HPSE2: variants seen among roughly 807,000 people sequenced by gnomAD.
HPSE2 encodes the protein heparanase 2 (inactive), also known as inactive heparanase-2.
HPSE2 carries 38 observed loss-of-function variants against 60.5 expected under a neutral mutation model. That is an observed-to-expected ratio of 0.63 (90% CI 0.48 to 0.82). The LOEUF is 0.82. Ranked by LOEUF, HPSE2 falls within the 40% of genes least tolerant of loss-of-function variation. The probability of loss-of-function intolerance (pLI) is 0.00; values close to 1 mark genes in which losing one functional copy is unlikely to be tolerated. For missense variants in HPSE2, 713 were observed against 740.4 expected (o/e 0.96, Z 0.43); for synonymous variants, 295 against 293.2 (o/e 1.01, Z -0.06).
chr10:99,080,090 A>C (rs1178574025), intron 3 of HPSE2, among the ~76,000 whole-genome samples: 1 of 152,210 alleles, frequency 6.6e-6, no homozygotes, highest in African/African-American at 2.4e-5. Flanking sequence ...CCTCTCAATT[A>C]GTTTTTGGAT....
chr10:98,629,699 C>T (rs1482605536), intron 7 of HPSE2, among the ~76,000 whole-genome samples: 8 of 152,192 alleles, frequency 5.3e-5, no homozygotes, highest in African/African-American at 1.9e-4. Flanking sequence ...CCCTCTTCAG[C>T]TTAAGAACCT....
chr10:99,301,790 C>T, the HPSE2 span, among the ~76,000 whole-genome samples: 1 of 152,004 alleles, frequency 6.6e-6, no homozygotes, highest in African/African-American at 2.4e-5. Context: ...ATATCATGAG[C>T]CCCCACCAAG....
intron 3 of HPSE2, among the ~76,000 whole-genome samples, chr10:98,780,506 A>G (rs912278744): frequency 6.6e-6 from 1 of 152,288 alleles, no homozygotes; most frequent in East Asian, 1.9e-4. Flanking sequence ...ACATCTTTTA[A>G]GGACAATTAA....
chr10:98,637,704 C>T (rs529145431), intron 7 of HPSE2, among the ~76,000 whole-genome samples: 4 of 152,312 alleles, frequency 2.6e-5, no homozygotes, highest in South Asian at 2.1e-4. Context: ...TCCCACATGG[C>T]GTCATTTTGG....
At chr10:99,240,987 C>G in the HPSE2 span, among the ~76,000 whole-genome samples, 1 of 152,156 alleles carries the variant, frequency 6.6e-6, no homozygotes, top group Non-Finnish European at 1.5e-5. Context: ...ACTATGATGA[C>G]TAATATTTAT....
intron 11 of HPSE2, among the ~76,000 whole-genome samples, chr10:98,469,062 G>A (rs1241782488): frequency 6.6e-6 from 1 of 152,174 alleles, no homozygotes; most frequent in Non-Finnish European, 1.5e-5. Context: ...GGCTTTTCCT[G>A]GATGTAGTGT....
At chr10:99,300,088 C>T in the HPSE2 span, among the ~76,000 whole-genome samples, 1 of 151,944 alleles carries the variant, frequency 6.6e-6, no homozygotes, top group African/African-American at 2.4e-5. Flanking sequence ...TGTGGGCCCC[C>T]TACTGCCTCA....
chr10:99,165,987 T>C (rs1048412065), intron 2 of HPSE2, among the ~76,000 whole-genome samples: 1 of 134,178 alleles, frequency 7.5e-6, no homozygotes, highest in Non-Finnish European at 1.7e-5. Flanking sequence ...CAACACTTTG[T>C]TGTTTTTTGG....
intron 3 of HPSE2, among the ~76,000 whole-genome samples, chr10:98,998,835 A>AG (rs1406590172): frequency 6.6e-6 from 1 of 152,244 alleles, no homozygotes; most frequent in Non-Finnish European, 1.5e-5. Context: ...AAGGCATATG[A>AG]GGCTGTAGAG....
At chr10:98,481,921 A>C (rs372601020) in intron 11 of HPSE2, among the ~76,000 whole-genome samples, 86 of 152,260 alleles carry the variant, frequency 5.6e-4, no homozygotes, top group African/African-American at 1.8e-3. Flanking sequence ...ACTGTGGCCT[A>C]GAGTTGTTTT....
chr10:99,133,153 G>A (rs1440705238), intron 3 of HPSE2, among the ~76,000 whole-genome samples: 1 of 152,226 alleles, frequency 6.6e-6, no homozygotes, highest in Non-Finnish European at 1.5e-5. Context: ...GGAGCCCACT[G>A]CAGCTCAGCA....
chr10:98,729,773 A>G lies in HPSE2; in HGVS notation c.785-7945T>C, dbSNP rs138148779. Among the ~76,000 whole-genome samples, 127 of 151,194 alleles carry G rather than the reference A, an allele frequency of 8.4e-4. 1 individual carries two copies. The highest frequency in any genetic ancestry group is 2.5e-4 in the Non-Finnish European group (17 of 67,752). On this transcript the variant is annotated intron_variant, in intron 4 of 11. Coordinates refer to ENST00000370552, the MANE Select transcript of HPSE2 (RefSeq NM_021828.5). ...TTTATAATGATAAAAGGCATTTTAT[A>G]ATGAGAAGAAAGGTCTCAACATCAG...
intron 3 of HPSE2, among the ~76,000 whole-genome samples, chr10:99,139,080 T>C (rs1351251540): frequency 6.6e-6 from 1 of 152,166 alleles, no homozygotes. Context: ...ATGGGACATA[T>C]ATACCATGAA....
At chr10:99,078,643 G>C (rs1247479607) in intron 3 of HPSE2, among the ~76,000 whole-genome samples, 1 of 152,138 alleles carries the variant, frequency 6.6e-6, no homozygotes, top group Non-Finnish European at 1.5e-5. Context: ...ATGGATGCAG[G>C]ACCCACAGAT....
chr10:99,239,959 T>G (rs537262245), upstream of HPSE2, among the ~76,000 whole-genome samples: 1 of 151,818 alleles, frequency 6.6e-6, no homozygotes, highest in East Asian at 1.9e-4. Context: ...GAGGTCGAGG[T>G]GGGTGGATCA....
chr10:98,638,879 GA>G (rs961693409), intron 7 of HPSE2, among the ~76,000 whole-genome samples: 24 of 151,956 alleles, frequency 1.6e-4, no homozygotes, highest in African/African-American at 5.6e-4. Flanking sequence ...AGAATCAGGG[GA>G]AAAAAACAGG....
chr10:98,864,517 G>A (rs1346986783), intron 3 of HPSE2, among the ~76,000 whole-genome samples: 1 of 152,050 alleles, frequency 6.6e-6, no homozygotes, highest in Non-Finnish European at 1.5e-5. Flanking sequence ...TCCTTAAAGT[G>A]AGTATTATTC....
At chr10:98,582,813 C>G (rs1944837668) in intron 9 of HPSE2, among the ~76,000 whole-genome samples, 1 of 152,128 alleles carries the variant, frequency 6.6e-6, no homozygotes, top group Non-Finnish European at 1.5e-5. Context: ...AGTATGTCTA[C>G]AGTAGTGTAA....
chr10:98,572,765 A>T (rs1285545394), intron 9 of HPSE2, among the ~76,000 whole-genome samples: 3 of 152,180 alleles, frequency 2.0e-5, no homozygotes, highest in African/African-American at 7.2e-5. Flanking sequence ...CAGGCTCCAC[A>T]TGCCTCCTGT....
Sources: allele counts gnomAD v4.1 joint callset (sites outside exome capture counted in the v4.1 genomes callset), GRCh38; gene constraint gnomAD v4.1.1; transcripts MANE v1.5; gene names NCBI Gene and HGNC (gene_info 2026-07-23, HGNC 2026-07-21).